KIRREL3: variants seen among roughly 807,000 people sequenced by gnomAD.
KIRREL3 encodes kirre like nephrin family adhesion molecule 3, also known as kin of IRRE-like protein 3.
A neutral mutation model predicts 89.7 loss-of-function variants in KIRREL3; 36 were observed. The ratio of observed to expected loss-of-function variants is 0.40; its 90% CI spans 0.31 to 0.53. KIRREL3 has a LOEUF of 0.53. Among genes scored for constraint, KIRREL3 ranks in the 20% least tolerant of loss-of-function variants. The pLI, the probability that KIRREL3 is intolerant of heterozygous loss-of-function variation, is 0.49. For synonymous variants in KIRREL3, 445 were observed against 441.4 expected (o/e 1.01, Z -0.10); for missense variants, 864 against 1,056.6 (o/e 0.82, Z 2.53).
chr11:126,559,149 G>A (rs1352966536), intron 2 of KIRREL3, among the ~76,000 whole-genome samples: 1 of 152,198 alleles, frequency 6.6e-6, no homozygotes, highest in African/African-American at 2.4e-5. Flanking sequence ...AGGGGCTGTA[G>A]CACTGGAACT....
At chr11:126,468,822 T>A (rs370146183) in intron 5 of KIRREL3, among the ~76,000 whole-genome samples, 7 of 152,372 alleles carry the variant, frequency 4.6e-5, no homozygotes, top group East Asian at 3.9e-4. Context: ...GTGATCATTA[T>A]CACTGCATTT....
chr11:126,630,969 T>C (rs1438379446), intron 1 of KIRREL3, among the ~76,000 whole-genome samples: 1 of 152,194 alleles, frequency 6.6e-6, no homozygotes, highest in Non-Finnish European at 1.5e-5. Flanking sequence ...CCCTTTCTCC[T>C]TGACACGTCC....
At position 126,879,057 on chromosome 11, in the gene KIRREL3, G is replaced by A. The variant is rs1945399106; in HGVS notation, c.55+121398C>T. Among the ~76,000 whole-genome samples, 1 of 152,188 alleles carries A rather than the reference G, an allele frequency of 6.6e-6. No homozygotes were observed. The highest frequency in any genetic ancestry group is 1.5e-5 in the Non-Finnish European group (1 of 68,036). On this transcript the variant is annotated intron_variant, in intron 1 of 16. Coordinates refer to ENST00000525144, the MANE Select transcript of KIRREL3 (RefSeq NM_032531.4). This position sits in a 1 kb window ranked among gnomAD's most constrained non-coding sequence, Gnocchi z 5.4. ...AGCTAAGCAATCTTTGTCAATTACA[G>A]GGCATTACTCTGCAGGCCAACCGGC...
chr11:126,663,217 G>A (rs550490271), intron 1 of KIRREL3, among the ~76,000 whole-genome samples: 15 of 125,204 alleles, frequency 1.2e-4, no homozygotes, highest in South Asian at 2.6e-4. Flanking sequence ...ATGGAGTCTC[G>A]CTCTGTCACC....
intron 5 of KIRREL3, among the ~76,000 whole-genome samples, chr11:126,467,408 A>G (rs946304736): frequency 2.0e-5 from 3 of 152,094 alleles, no homozygotes; most frequent in Non-Finnish European, 4.4e-5. Context: ...TGCTCTTTCC[A>G]AAGCCCCCAG....
chr11:126,884,137 T>C (rs907204896), intron 1 of KIRREL3, among the ~76,000 whole-genome samples: 1 of 152,232 alleles, frequency 6.6e-6, no homozygotes, highest in African/African-American at 2.4e-5. Flanking sequence ...TCTAGTACCG[T>C]GGTTCTCAGT....
intron 1 of KIRREL3, among the ~76,000 whole-genome samples, chr11:126,586,109 G>T (rs981330048): frequency 4.6e-5 from 7 of 152,132 alleles, no homozygotes; most frequent in African/African-American, 9.7e-5. Flanking sequence ...CTCCCCGGAC[G>T]TGGCGGCATT....
At position 126,739,883 on chromosome 11, in the gene KIRREL3, T is replaced by G. The variant is rs1305153989; in HGVS notation, c.56-176971A>C. ...GGGCAAGAAGGAGCACTTAGAATTTTGACACTGCACTTTGATCAGTTTGAC... is the reference window on the plus strand; with the variant it reads ...GGGCAAGAAGGAGCACTTAGAATTTGGACACTGCACTTTGATCAGTTTGAC... On this transcript the variant is annotated intron_variant, in intron 1 of 16. Transcript: ENST00000525144. The surrounding 1 kb of genome is among the most constrained non-coding windows in gnomAD (Gnocchi z 5.5). Among the ~76,000 whole-genome samples the G allele has an allele frequency of 6.6e-6, 1 of 152,222 alleles. No homozygotes were observed. The highest frequency in any genetic ancestry group is 1.5e-5 in the Non-Finnish European group (1 of 68,052).
At position 126,560,856 on chromosome 11, in the gene KIRREL3, C is replaced by G. The variant is rs185197875; in HGVS notation, c.133+1979G>C. Among the ~76,000 whole-genome samples, 21 of 152,230 alleles carry G rather than the reference C, an allele frequency of 1.4e-4. No homozygotes were observed. In the East Asian group the frequency reaches 3.9e-3, roughly 28 times the overall value. ...AAATAATTGTTTTTCCCTATTTTAC[C>G]AATTGTTCAATTTATACCAAGGTGT... On this transcript the variant is annotated intron_variant, in intron 2 of 16. Transcript: ENST00000525144.
At chr11:126,753,421 T>C in intron 1 of KIRREL3, among the ~76,000 whole-genome samples, 1 of 152,164 alleles carries the variant, frequency 6.6e-6, no homozygotes, top group East Asian at 1.9e-4. Context: ...CTTCCTTAGA[T>C]TACTTAGGAA....
rs1487899399 is a variant in KIRREL3, at chr11:126,476,517, C to T, written c.434-3051G>A. On this transcript the variant is annotated intron_variant, in intron 4 of 16. Transcript: ENST00000525144. The surrounding 1 kb of genome is among the most constrained non-coding windows in gnomAD (Gnocchi z 6.4). ...GGGGCGTGTTGTGGGAGTGCTCAGGCACACGCACAGCCACGCACATACATC... is the reference window on the plus strand; with the variant it reads ...GGGGCGTGTTGTGGGAGTGCTCAGGTACACGCACAGCCACGCACATACATC... 1.3e-5 allele frequency among the ~76,000 whole-genome samples: 2 copies of T among 152,246 alleles called. No homozygotes were observed. The highest frequency in any genetic ancestry group is 4.8e-5 in the African/African-American group (2 of 41,466).
At position 126,470,018 on chromosome 11, in the gene KIRREL3, C is replaced by T. The variant is rs141131311; in HGVS notation, c.591+3291G>A. 9.5e-3 allele frequency among the ~76,000 whole-genome samples: 1,450 copies of T among 152,374 alleles called. 11 individuals are homozygous for T. Among genetic ancestry groups the T allele is most frequent in the Middle Eastern group, 0.037 (11 of 294 alleles). On this transcript the variant is annotated intron_variant, in intron 5 of 16. Transcript: ENST00000525144. ...CTGGCGCTGCCGTTCCCGTCACAGG[C>T]CCAGGAGCATGGATCGGGTCCCCCG...
chr11:126,928,530 A>G (rs1947811533), intron 1 of KIRREL3, among the ~76,000 whole-genome samples: 2 of 152,268 alleles, frequency 1.3e-5, no homozygotes, highest in African/African-American at 4.8e-5. Flanking sequence ...GCAGGCGGAC[A>G]CTGTCATGAG....
chr11:126,583,390 G>A (rs1023912926), intron 1 of KIRREL3, among the ~76,000 whole-genome samples: 1 of 152,144 alleles, frequency 6.6e-6, no homozygotes. Context: ...AAGATAGCTG[G>A]GATCATGGCT....
chr11:126,923,098 T>TCTTCTCCTTCTCCTTCTC (rs201230668), intron 1 of KIRREL3, among the ~76,000 whole-genome samples: 4 of 89,062 alleles, frequency 4.5e-5, no homozygotes, highest in Admixed American at 2.3e-4. Context: ...TTCTTCTTCT[T>TCTTCTCCTTCTCCTTCTC]CTTCTCCTTC....
chr11:126,850,774 G>C (rs981358778), intron 1 of KIRREL3, among the ~76,000 whole-genome samples: 3 of 152,154 alleles, frequency 2.0e-5, no homozygotes, highest in African/African-American at 7.2e-5. Flanking sequence ...ATCTATGAGG[G>C]GCCTCAGCTG....
chr11:126,551,450 C>T lies in KIRREL3; in HGVS notation c.133+11385G>A, dbSNP rs546163100. 4.6e-5 allele frequency among the ~76,000 whole-genome samples: 7 copies of T among 152,200 alleles called. No individual in the cohort carries two copies. The highest frequency in any genetic ancestry group is 2.1e-4 in the South Asian group (1 of 4,816). ...AGCAAGGGCTATGGGAGTTATGAGCCGGGAACCGTGGATGAAATCCCCCCA... is the reference window on the plus strand; with the variant it reads ...AGCAAGGGCTATGGGAGTTATGAGCTGGGAACCGTGGATGAAATCCCCCCA... On this transcript the variant is annotated intron_variant, in intron 2 of 16. Transcript: ENST00000525144. This position sits in a 1 kb window ranked among gnomAD's most constrained non-coding sequence, Gnocchi z 4.9.
At chr11:126,596,276 C>A (rs1029622327) in intron 1 of KIRREL3, among the ~76,000 whole-genome samples, 1 of 135,348 alleles carries the variant, frequency 7.4e-6, no homozygotes, top group Non-Finnish European at 1.7e-5. Flanking sequence ...CAGCACCTGG[C>A]ATATGGTAGA....
chr11:126,483,622 C>T (rs768114194), intron 4 of KIRREL3, among the ~76,000 whole-genome samples: 6 of 152,240 alleles, frequency 3.9e-5, no homozygotes, highest in Non-Finnish European at 7.3e-5. Flanking sequence ...ATGGTTCCCA[C>T]TGCTCCAGCA....
Sources: allele counts gnomAD v4.1 joint callset (sites outside exome capture counted in the v4.1 genomes callset), GRCh38; gene constraint gnomAD v4.1.1; non-coding constraint Gnocchi (gnomAD v3.1); transcripts MANE v1.5; gene names NCBI Gene and HGNC (gene_info 2026-07-23, HGNC 2026-07-21).